The following ARHGAP10 variants were observed in gnomAD, a reference collection of about 807,000 sequenced individuals.
ARHGAP10 encodes the protein rho GTPase-activating protein 10.
A neutral mutation model predicts 108.6 loss-of-function variants in ARHGAP10; 87 were observed. The ratio of observed to expected loss-of-function variants is 0.80; its 90% CI spans 0.67 to 0.96. The LOEUF (loss-of-function observed/expected upper bound fraction) is 0.96. Ranked by LOEUF, ARHGAP10 falls within the 40% of genes least tolerant of loss-of-function variation. ARHGAP10 has a pLI of 0.00. For missense variants in ARHGAP10, 939 were observed against 954.5 expected (o/e 0.98, Z 0.21); for synonymous variants, 347 against 341.1 (o/e 1.02, Z -0.19).
At chr4:147,901,067 A>G (rs1272432895) in intron 10 of ARHGAP10, among the ~76,000 whole-genome samples, 2 of 152,232 alleles carry the variant, frequency 1.3e-5, no homozygotes, top group African/African-American at 2.4e-5. Flanking sequence ...TTCAAAAACT[A>G]CAGAATTTTT....
intron 15 of ARHGAP10, among the ~76,000 whole-genome samples, chr4:147,952,278 G>A (rs1738633559): frequency 6.6e-6 from 1 of 152,148 alleles, no homozygotes; most frequent in South Asian, 2.1e-4. Context: ...TAAATCCCAG[G>A]AGTGGAATAT....
chr4:147,745,929 G>T (rs977877418), intron 1 of ARHGAP10, among the ~76,000 whole-genome samples: 1 of 151,342 alleles, frequency 6.6e-6, no homozygotes, highest in South Asian at 2.1e-4. Flanking sequence ...TGGGATTACC[G>T]GTGTGCACCA....
At chr4:147,927,193 A>T (rs1737498155) in intron 13 of ARHGAP10, among the ~76,000 whole-genome samples, 1 of 152,234 alleles carries the variant, frequency 6.6e-6, no homozygotes, top group Non-Finnish European at 1.5e-5. Context: ...TTAAATAACA[A>T]AGTTTAAAAG....
chr4:147,924,332 G>C (rs1221647401), intron 13 of ARHGAP10, among the ~76,000 whole-genome samples: 2 of 152,052 alleles, frequency 1.3e-5, no homozygotes, highest in African/African-American at 4.8e-5. Flanking sequence ...GTTGTCCAGT[G>C]ACTGTTTTTT....
At chr4:148,007,567 C>T (rs1337687142) in intron 18 of ARHGAP10, among the ~76,000 whole-genome samples, 4 of 152,176 alleles carry the variant, frequency 2.6e-5, no homozygotes, top group Admixed American at 6.5e-5. Context: ...GCCCTTCATG[C>T]GGTGTGTGAA....
At chr4:147,847,783 G>C (rs1034132040) in intron 4 of ARHGAP10, among the ~76,000 whole-genome samples, 1 of 152,188 alleles carries the variant, frequency 6.6e-6, no homozygotes, top group African/African-American at 2.4e-5. Flanking sequence ...CACAGACTTT[G>C]TACTTAAGTA....
chr4:147,814,272 G>T (rs1436033152), intron 1 of ARHGAP10, among the ~76,000 whole-genome samples: 1 of 151,252 alleles, frequency 6.6e-6, no homozygotes, highest in Middle Eastern at 3.2e-3. Flanking sequence ...GGATGTTTTA[G>T]CCCTTTGCTA....
intron 18 of ARHGAP10, among the ~76,000 whole-genome samples, chr4:147,981,861 A>G (rs567485112): frequency 6.6e-6 from 1 of 152,006 alleles, no homozygotes; most frequent in South Asian, 2.1e-4. Flanking sequence ...ATATTTTCTG[A>G]TATATGTATA....
chr4:148,011,690 CAG>C (rs1380777008), intron 18 of ARHGAP10, among the ~76,000 whole-genome samples: 1 of 152,044 alleles, frequency 6.6e-6, no homozygotes, highest in Non-Finnish European at 1.5e-5. Context: ...GAAAGAGTGT[CAG>C]AGAATTTGTG....
Position 147,852,918 on chromosome 4 carries a change from C to G in ARHGAP10, c.385-4635C>G, listed in dbSNP as rs147337502. 8.6e-3 allele frequency among the ~76,000 whole-genome samples: 1,312 copies of G among 152,036 alleles called. 19 individuals are homozygous for G. The highest frequency in any genetic ancestry group is 0.03 in the African/African-American group (1,255 of 41,464). ...TTTTTAGTAGAGATGGGGGGTTTCACCATGTTGGTCAGGCTGATTTCAAAC... is the reference window on the plus strand; with the variant it reads ...TTTTTAGTAGAGATGGGGGGTTTCAGCATGTTGGTCAGGCTGATTTCAAAC... On this transcript the variant is annotated intron_variant, in intron 4 of 22. Transcript: ENST00000336498.
chr4:147,737,588 C>T (rs186836290), intron 1 of ARHGAP10, among the ~76,000 whole-genome samples: 113 of 151,800 alleles, frequency 7.4e-4, no homozygotes, highest in Non-Finnish European at 1.3e-3. Context: ...AATTTTTTCC[C>T]GAATGGAAAG....
At chr4:147,985,747 A>G (rs1409858984) in intron 18 of ARHGAP10, among the ~76,000 whole-genome samples, 3 of 152,190 alleles carry the variant, frequency 2.0e-5, no homozygotes, top group African/African-American at 7.2e-5. Context: ...GAGAAAATAC[A>G]TGCAGCTTTT....
chr4:147,946,813 T>A, intron 15 of ARHGAP10, 109 bp downstream of exon 15: 1 of 854,334 alleles, frequency 1.2e-6, no homozygotes, highest in Non-Finnish European at 1.6e-6. Flanking sequence ...AGCCTTATTT[T>A]AAAAAGGGAA....
intron 4 of ARHGAP10, among the ~76,000 whole-genome samples, chr4:147,855,593 A>C (rs767723779): frequency 6.6e-6 from 1 of 152,036 alleles, no homozygotes; most frequent in Non-Finnish European, 1.5e-5. Context: ...CCATAGGATC[A>C]CAGAATTTTA....
At chr4:147,936,960 T>C (rs565436509) in intron 13 of ARHGAP10, among the ~76,000 whole-genome samples, 4 of 152,190 alleles carry the variant, frequency 2.6e-5, no homozygotes, top group African/African-American at 7.2e-5. Flanking sequence ...TAGATTGTTA[T>C]AGGAGTGCAA....
At chr4:147,911,441 C>T (rs1023614234) in intron 12 of ARHGAP10, among the ~76,000 whole-genome samples, 1 of 152,214 alleles carries the variant, frequency 6.6e-6, no homozygotes, top group Admixed American at 6.5e-5. Context: ...CAGCTCCCTG[C>T]AAGCTCCGCC....
chr4:147,968,290 T>C (rs1739278914), intron 18 of ARHGAP10, among the ~76,000 whole-genome samples: 1 of 152,242 alleles, frequency 6.6e-6, no homozygotes, highest in African/African-American at 2.4e-5. Context: ...AGCTTCCACT[T>C]ATTAAGAAAA....
intron 15 of ARHGAP10, among the ~76,000 whole-genome samples, chr4:147,948,294 C>T (rs1560840067): frequency 1.3e-5 from 2 of 152,148 alleles, no homozygotes; most frequent in Admixed American, 6.5e-5. Flanking sequence ...CAGTATTTAT[C>T]TCAAAAAGTC....
intron 14 of ARHGAP10, among the ~76,000 whole-genome samples, chr4:147,944,993 GA>G (rs1248396807): frequency 6.6e-6 from 1 of 152,168 alleles, no homozygotes; most frequent in Non-Finnish European, 1.5e-5. Context: ...ATCGTTCTGT[GA>G]GAGCATTTAC....
Sources: gnomAD v4.1 joint callset for allele counts (sites outside exome capture counted in the v4.1 genomes callset) on GRCh38, gnomAD v4.1.1 for gene constraint, MANE v1.5 for transcripts, NCBI Gene and HGNC (gene_info 2026-07-23, HGNC 2026-07-21) for gene names.